Variants in RNF170 observed in about 807,000 individuals in gnomAD.
The protein encoded by RNF170 is ring finger protein 170.
A neutral mutation model predicts 32.7 loss-of-function variants in RNF170; 12 were observed. The observed-to-expected ratio is 0.37, with a 90% CI of 0.24 to 0.60. RNF170 has a LOEUF of 0.60. Ranked by LOEUF, RNF170 falls within the 20% of genes least tolerant of loss-of-function variation. The pLI is 0.72. For synonymous variants in RNF170, 91 were observed against 103.6 expected (o/e 0.88, Z 0.74); for missense variants, 212 against 311.2 (o/e 0.68, Z 2.40).
chr8:42,872,347 G>T (rs376299675), intron 3 of RNF170, among the ~76,000 whole-genome samples: 1 of 152,158 alleles, frequency 6.6e-6, no homozygotes, highest in African/African-American at 2.4e-5. Flanking sequence ...AAATACAATT[G>T]TTGTTTGGGA....
downstream of RNF170, among the ~76,000 whole-genome samples, chr8:42,851,794 C>T (rs914233642): frequency 2.0e-5 from 3 of 152,034 alleles, no homozygotes; most frequent in East Asian, 3.9e-4. Context: ...TGCACCACCA[C>T]GTCTGGCTAA....
chr8:42,860,747 C>G (rs572253379), intron 6 of RNF170, among the ~76,000 whole-genome samples: 2 of 134,430 alleles, frequency 1.5e-5, no homozygotes, highest in South Asian at 4.8e-4. Context: ...TTTGGAGTTT[C>G]ACTCTCGTCG....
chr8:42,887,638 G>C, intron 2 of RNF170, 90 bp downstream of exon 2: 1 of 1,154,048 alleles, frequency 8.7e-7, no homozygotes, highest in South Asian at 1.2e-5. Context: ...TCTGTTACTT[G>C]CTGTTCATAT....
intron 2 of RNF170, among the ~76,000 whole-genome samples, chr8:42,874,467 G>A (rs1375801485): frequency 6.6e-6 from 1 of 152,210 alleles, no homozygotes; most frequent in Non-Finnish European, 1.5e-5. Context: ...TTGGCCGAGT[G>A]TGGTGGCTCA....
intron 2 of RNF170, among the ~76,000 whole-genome samples, chr8:42,876,502 C>T (rs1804941637): frequency 6.6e-6 from 1 of 151,942 alleles, no homozygotes; most frequent in African/African-American, 2.4e-5. Context: ...AAAGACACAA[C>T]AAGAAAACCA....
chr8:42,860,165 G>A (rs1312387289), intron 6 of RNF170, among the ~76,000 whole-genome samples: 2 of 152,208 alleles, frequency 1.3e-5, no homozygotes, highest in Admixed American at 1.3e-4. Flanking sequence ...AAGCGAAGCA[G>A]TTGGATCTAC....
intron 5 of RNF170, among the ~76,000 whole-genome samples, chr8:42,865,088 C>G (rs1313266162): frequency 6.6e-6 from 1 of 151,714 alleles, no homozygotes; most frequent in Non-Finnish European, 1.5e-5. Flanking sequence ...GAGACCTCAT[C>G]TTTACTAAAA....
At chr8:42,881,610 T>C (rs1805413026) in intron 2 of RNF170, 1 of 152,140 alleles carries the variant, frequency 6.6e-6, no homozygotes, top group South Asian at 2.1e-4. Flanking sequence ...TGCAGGTCAT[T>C]TTCCTAAGTG....
At chr8:42,897,100 G>C (rs764915201), upstream of RNF170, 6 of 1,240,986 alleles carry the variant, frequency 4.8e-6, no homozygotes, top group South Asian at 2.4e-4. Flanking sequence ...GTCTGGCCAG[G>C]CGGTAGGCGC....
chr8:42,851,825 G>T (rs1000674149), downstream of RNF170, among the ~76,000 whole-genome samples: 1 of 152,100 alleles, frequency 6.6e-6, no homozygotes, highest in African/African-American at 2.4e-5. Flanking sequence ...AGAGACGGGG[G>T]TCTCACTATG....
chr8:42,877,283 A>G (rs192689287), intron 2 of RNF170, among the ~76,000 whole-genome samples: 157 of 152,168 alleles, frequency 1.0e-3, no homozygotes, highest in African/African-American at 3.6e-3. Flanking sequence ...CAGTGGCACA[A>G]TCTTGGCTCC....
At chr8:42,886,072 A>C (rs1401929057) in intron 2 of RNF170, among the ~76,000 whole-genome samples, 1 of 152,070 alleles carries the variant, frequency 6.6e-6, no homozygotes, top group Non-Finnish European at 1.5e-5. Context: ...AAAATACAAA[A>C]AATTAGCCGG....
intron 4 of RNF170, among the ~76,000 whole-genome samples, chr8:42,869,177 T>G (rs987147518): frequency 3.9e-5 from 6 of 152,226 alleles, no homozygotes; most frequent in Non-Finnish European, 8.8e-5. Flanking sequence ...CCCAAAGTGC[T>G]GAGATTACAG....
downstream of RNF170, chr8:42,853,296 T>C (rs1479134306): frequency 8.6e-7 from 1 of 1,161,190 alleles, no homozygotes; most frequent in East Asian, 5.9e-5. Flanking sequence ...ATAACACCTT[T>C]AAAATGTTTT....
At chr8:42,850,697 G>A, downstream of RNF170, 1 of 1,446,200 alleles carries the variant, frequency 6.9e-7, no homozygotes, top group Non-Finnish European at 9.5e-7. Flanking sequence ...ATGCCTCAGA[G>A]TGCCCTGGGG....
intron 2 of RNF170, among the ~76,000 whole-genome samples, chr8:42,879,642 C>T (rs1266025434): frequency 6.6e-6 from 1 of 152,090 alleles, no homozygotes; most frequent in Admixed American, 6.6e-5. Context: ...CACAGTGAGA[C>T]TCCATCTCAA....
intron 3 of RNF170, among the ~76,000 whole-genome samples, chr8:42,873,548 GA>G (rs886480425): frequency 1.5e-4 from 22 of 147,624 alleles, no homozygotes; most frequent in African/African-American, 5.5e-4. Context: ...GAAAAAAGGA[GA>G]AAAAAAAACA....
chr8:42,873,776 T>C (rs1221674438), intron 3 of RNF170, among the ~76,000 whole-genome samples, 155 bp downstream of exon 3: 1 of 152,216 alleles, frequency 6.6e-6, no homozygotes, highest in Non-Finnish European at 1.5e-5. Flanking sequence ...AATTTGCCCA[T>C]TCTTGCAAAT....
rs1426964063 is a variant in RNF170, at chr8:42,853,633, T to C, written c.*2526A>G. 2 of 1,283,692 alleles carry C rather than the reference T, an allele frequency of 1.6e-6. No individual in the cohort carries two copies. The highest frequency in any genetic ancestry group is 2.0e-6 in the Non-Finnish European group (2 of 986,382). 79.5% of individuals were successfully genotyped at this position (1,283,692 alleles called of 1,614,324 possible). On this transcript the variant is annotated 3_prime_UTR_variant, in exon 7 of 7. Transcript: ENST00000527424. Reference sequence around the variant, plus strand: ...GTTGTTTAAAAAAAATCCAAATTGTTACTTTGATTTATATGATCTAACTCT... The same window carrying C: ...GTTGTTTAAAAAAAATCCAAATTGTCACTTTGATTTATATGATCTAACTCT...
Sources: gnomAD v4.1 joint callset for allele counts (sites outside exome capture counted in the v4.1 genomes callset) on GRCh38, gnomAD v4.1.1 for gene constraint, MANE v1.5 for transcripts, NCBI Gene and HGNC (gene_info 2026-07-23, HGNC 2026-07-21) for gene names.